Variants in RBM45 observed in about 807,000 individuals in gnomAD.
The protein encoded by RBM45 is RNA binding motif protein 45, also known as RNA-binding protein 45.
Under a neutral mutation model 58.5 loss-of-function variants are expected in RBM45, and 39 were observed. The ratio of observed to expected loss-of-function variants is 0.67; its 90% confidence interval spans 0.52 to 0.87. The LOEUF is 0.87. Among genes scored for constraint, RBM45 ranks in the 40% least tolerant of loss-of-function variants. The pLI is 0.00. For missense variants in RBM45, 481 were observed against 581.6 expected, an observed-to-expected ratio of 0.83 and a Z score of 1.78; for synonymous variants, 193 against 203.0, an observed-to-expected ratio of 0.95 and a Z score of 0.42.
At chr2:178,120,548 A>G (rs1574410691) in intron 4 of RBM45, 139 bp downstream of exon 4, 1 of 703,040 alleles carries the variant, frequency 1.4e-6, no homozygotes, top group East Asian at 3.1e-5. Flanking sequence ...TTTTATTCCT[A>G]AAATGTGGAT....
At chr2:178,118,032 A>G (rs766667682) in intron 2 of RBM45, 23 bp from the exon 3 acceptor site, 3 of 1,530,358 alleles carry the variant, frequency 2.0e-6, no homozygotes, top group Non-Finnish European at 8.8e-7. Flanking sequence ...GTCCCCTAAA[A>G]TCATGTCTTT....
chr2:178,133,046 A>G (rs918288927), downstream of RBM45, among the ~76,000 whole-genome samples: 1 of 152,206 alleles, frequency 6.6e-6, no homozygotes, highest in Non-Finnish European at 1.5e-5. Flanking sequence ...TACTGGCCCA[A>G]AGAGATTTCA....
exon 4 of RBM45, chr2:178,137,405 A>G (rs988350082): frequency 3.9e-5 from 6 of 152,238 alleles, no homozygotes; most frequent in Non-Finnish European, 7.3e-5. Context: ...GTGTACATAT[A>G]TGTACCAAAA....
chr2:178,127,915 A>G (rs1251219253), intron 9 of RBM45, among the ~76,000 whole-genome samples: 1 of 151,158 alleles, frequency 6.6e-6, no homozygotes, highest in East Asian at 1.9e-4. Context: ...ACCTTTTCTA[A>G]TGATTATTTA....
intron 5 of RBM45, among the ~76,000 whole-genome samples, chr2:178,122,642 C>G (rs1436303366): frequency 6.6e-6 from 1 of 152,006 alleles, no homozygotes; most frequent in Non-Finnish European, 1.5e-5. Context: ...GTATTTGTTC[C>G]TGTACCTCCT....
intron 2 of RBM45, 84 bp from the exon 3 acceptor site, chr2:178,117,971 C>A (rs1242462443): frequency 7.2e-6 from 8 of 1,105,812 alleles, no homozygotes; most frequent in Non-Finnish European, 8.6e-6. Flanking sequence ...ATGCAAGGGT[C>A]ACATATAAAC....
At chr2:178,113,328 C>T (rs2087730496) in intron 1 of RBM45, among the ~76,000 whole-genome samples, 3 of 145,940 alleles carry the variant, frequency 2.1e-5, no homozygotes, top group Admixed American at 6.9e-5. Flanking sequence ...TGGGGAGGGA[C>T]CTCTGGTGTT....
At chr2:178,130,751 G>T (rs113787530), downstream of RBM45, among the ~76,000 whole-genome samples, 4 of 152,140 alleles carry the variant, frequency 2.6e-5, no homozygotes, top group Admixed American at 2.6e-4. Context: ...TGACTCAAAC[G>T]ATGAAAGATT....
chr2:178,138,728 A>G (rs2088064201), exon 4 of RBM45: 1 of 152,178 alleles, frequency 6.6e-6, no homozygotes, highest in African/African-American at 2.4e-5. Context: ...CTATTAGAAT[A>G]ATGAAGGTAA....
At chr2:178,132,774 G>T (rs1036557544), downstream of RBM45, among the ~76,000 whole-genome samples, 2 of 152,130 alleles carry the variant, frequency 1.3e-5, no homozygotes, top group Non-Finnish European at 2.9e-5. Context: ...ATTTTTAGTA[G>T]AGACAGTTTC....
downstream of RBM45, among the ~76,000 whole-genome samples, chr2:178,133,533 ATCT>A (rs1273535428): frequency 6.6e-6 from 1 of 152,214 alleles, no homozygotes; most frequent in African/African-American, 2.4e-5. Context: ...CGTAAGATGA[ATCT>A]TCTTGTAAAA....
rs1201349953 is a variant in RBM45 at position 178,122,333 on chromosome 2, G to A, written c.853+974G>A. 3.9e-5 allele frequency among the ~76,000 whole-genome samples: 6 copies of A among 152,190 alleles called. 1 individual carries two copies. The highest frequency in any genetic ancestry group is 1.4e-4 in the African/African-American group (6 of 41,512). On this transcript the variant is annotated intron_variant, in intron 5 of 9. Coordinates refer to ENST00000286070, the MANE Select transcript of RBM45 (RefSeq NM_152945.4). ...GGATACCTGATTTAGTCCTTTTAGA[G>A]TGGCATGGCTATTGACATAGAAGTA... is the stretch of plus-strand genomic sequence containing the variant.
Position 178,123,853 on chromosome 2 carries a change from A to G in RBM45, c.1009A>G (p.Met337Val). 4 of 1,614,052 alleles carry G rather than the reference A, an allele frequency of 2.5e-6. No individual in the cohort carries two copies. Among genetic ancestry groups the G allele is most frequent in the Admixed American group, 1.7e-5 (1 of 60,010 alleles). Residue 337 changes from methionine to valine, a missense_variant, in exon 7 of 10, where the codon ATG (methionine) becomes GTG (valine). Transcript: ENST00000286070. Reference protein sequence around the residue: ...TDLLRKMATQMVAAQLASMVW... With the variant: ...TDLLRKMATQVVAAQLASMVW... The stretch of plus-strand genomic sequence containing the variant: ...TCTCCTTAGAAAAATGGCAACACAG[A>G]TGGTAGCTGCACAGCTTGCATCAAT...
intron 9 of RBM45, among the ~76,000 whole-genome samples, chr2:178,128,054 G>A (rs1329489332): frequency 7.8e-6 from 1 of 128,958 alleles, no homozygotes; most frequent in African/African-American, 2.9e-5. Context: ...CACCCAGGCT[G>A]GAGTGCAGTG....
chr2:178,127,970 T>G (rs772917806), intron 9 of RBM45, among the ~76,000 whole-genome samples: 1 of 151,200 alleles, frequency 6.6e-6, no homozygotes, highest in African/African-American at 2.4e-5. Flanking sequence ...GCCATTTAAC[T>G]GTGACTGGGC....
At chr2:178,130,290 G>A (rs1480848649), downstream of RBM45, among the ~76,000 whole-genome samples, 1 of 152,156 alleles carries the variant, frequency 6.6e-6, no homozygotes, top group Non-Finnish European at 1.5e-5. Flanking sequence ...GGAGGCCAAG[G>A]TGGGAGGATC....
Position 178,124,174 on chromosome 2 carries a change from T to A in RBM45, c.1116T>A (p.Asp372Glu), listed in dbSNP as rs956560479. ...CACAGTTGCCTCAAATCCAGACAGA[T>A]GTTGTACTTCCATCATGCAAAAAAA... is the stretch of plus-strand genomic sequence containing the variant. Reference protein sequence around the residue: ...SGSQLPQIQTDVVLPSCKKKA... With the variant: ...SGSQLPQIQTEVVLPSCKKKA... The change falls in exon 8 of 10, where the codon GAT becomes GAA. Residue 372 changes from aspartate (D) to glutamate (E), a missense_variant. Transcript: ENST00000286070. 2.3e-5 allele frequency: 37 copies of A among 1,608,856 alleles called. No individual in the cohort carries two copies. Among genetic ancestry groups the A allele is most frequent in the Non-Finnish European group, 3.1e-5 (36 of 1,178,738 alleles).
At position 178,123,574 on chromosome 2, in the gene RBM45, C is replaced by T. The variant is rs2087885425; in HGVS notation, c.906C>T (p.Tyr302=). 1.9e-6 allele frequency: 3 copies of T among 1,607,964 alleles called. No homozygotes were observed. Among genetic ancestry groups the T allele is most frequent in the Non-Finnish European group, 1.7e-6 (2 of 1,178,158 alleles). The change falls in exon 6 of 10, where the codon TAC becomes TAT. Residue 302 remains tyrosine, a synonymous_variant. Coordinates refer to ENST00000286070, the MANE Select transcript of RBM45 (RefSeq NM_152945.4). ...FNVASAIYAK[Y]KLHGFQYPPG... is the part of the protein sequence containing the mutation. The stretch of plus-strand genomic sequence containing the variant: ...TAGCATCAGCTATTTATGCAAAATA[C>T]AAATTACATGGATTTCAGTACCCTC...
intron 9 of RBM45, among the ~76,000 whole-genome samples, chr2:178,129,158 T>G (rs1210676308): frequency 1.3e-5 from 2 of 152,180 alleles, no homozygotes; most frequent in Non-Finnish European, 2.9e-5. Context: ...AATATAAATT[T>G]TAGTATTTCA....
Sources: gnomAD v4.1 joint callset for allele counts (sites outside exome capture counted in the v4.1 genomes callset) on GRCh38, gnomAD v4.1.1 for gene constraint, MANE v1.5 for transcripts, NCBI Gene and HGNC (gene_info 2026-07-23, HGNC 2026-07-21) for gene names.